The following NALF1 variants were observed in gnomAD, a reference collection of about 807,000 sequenced individuals.
NALF1 encodes the protein family with sequence similarity 155 member A.
In NALF1, 3 loss-of-function variants were observed where a neutral mutation model predicts 48.4. That is an observed-to-expected ratio of 0.06 (90% CI 0.03 to 0.16). The LOEUF is 0.16. Ranked by LOEUF, NALF1 falls within the 10% of genes least tolerant of loss-of-function variation. The probability of loss-of-function intolerance (pLI) is 1.00; values close to 1 mark genes in which losing one functional copy is unlikely to be tolerated. For synonymous variants in NALF1, 262 were observed against 245.7 expected (o/e 1.07, Z -0.62); for missense variants, 526 against 571.5 (o/e 0.92, Z 0.81).
At chr13:107,702,254 T>TAA (rs11402680) in intron 1 of NALF1, among the ~76,000 whole-genome samples, 6 of 150,992 alleles carry the variant, frequency 4.0e-5, no homozygotes, top group South Asian at 2.1e-4. Context: ...TTTCACTCTG[T>TAA]AAAAAAAAAG....
chr13:107,432,636 C>G (rs1884401072), intron 1 of NALF1, among the ~76,000 whole-genome samples: 1 of 152,202 alleles, frequency 6.6e-6, no homozygotes, highest in East Asian at 1.9e-4. Context: ...AGCCTTCAAC[C>G]TCTGGATGTG....
intron 1 of NALF1, among the ~76,000 whole-genome samples, chr13:107,390,066 A>T (rs940449695): frequency 1.3e-5 from 2 of 152,122 alleles, no homozygotes; most frequent in African/African-American, 4.8e-5. Flanking sequence ...TAGTAGTAAA[A>T]TATATTCACT....
intron 1 of NALF1, among the ~76,000 whole-genome samples, chr13:107,625,170 T>G (rs1240714259): frequency 6.6e-6 from 1 of 152,128 alleles, no homozygotes; most frequent in African/African-American, 2.4e-5. Context: ...ACCTGATAAT[T>G]TGATCTTAGC....
chr13:107,266,860 T>C (rs1043398257), intron 1 of NALF1, among the ~76,000 whole-genome samples: 22 of 152,226 alleles, frequency 1.4e-4, no homozygotes, highest in Non-Finnish European at 5.9e-5. Flanking sequence ...CCCAGAGATA[T>C]GCATGACTGT....
intron 1 of NALF1, among the ~76,000 whole-genome samples, chr13:107,409,624 T>G (rs971692383): frequency 6.6e-6 from 1 of 152,138 alleles, no homozygotes; most frequent in Admixed American, 6.6e-5. Flanking sequence ...ATTTGGGAAC[T>G]GAACCTACAC....
chr13:107,292,240 G>T (rs892336493), intron 1 of NALF1, among the ~76,000 whole-genome samples: 2 of 151,894 alleles, frequency 1.3e-5, no homozygotes, highest in African/African-American at 4.8e-5. Context: ...ATAAAAAATA[G>T]AAAAAAAACT....
intron 1 of NALF1, among the ~76,000 whole-genome samples, chr13:107,305,802 A>G (rs1378481434): frequency 6.6e-6 from 1 of 152,238 alleles, no homozygotes; most frequent in East Asian, 1.9e-4. Context: ...AAAAGGAAAA[A>G]TAATCAAAGG....
At chr13:107,251,676 C>T (rs1043024571) in intron 1 of NALF1, among the ~76,000 whole-genome samples, 3 of 152,168 alleles carry the variant, frequency 2.0e-5, no homozygotes, top group African/African-American at 7.2e-5. Context: ...GAGTAATGGA[C>T]ACAGTGCAAG....
chr13:107,697,608 G>C (rs1349340960), intron 1 of NALF1, among the ~76,000 whole-genome samples: 1 of 151,826 alleles, frequency 6.6e-6, no homozygotes, highest in Admixed American at 6.6e-5. Flanking sequence ...AATTTTATTG[G>C]TTTGAAATAC....
intron 1 of NALF1, among the ~76,000 whole-genome samples, chr13:107,681,485 T>A (rs75415468): frequency 7.9e-5 from 12 of 151,144 alleles, no homozygotes; most frequent in Admixed American, 3.3e-4. Context: ...GAGAAAAGTT[T>A]AAAAAAAAAT....
chr13:107,388,403 T>C (rs1247595295), intron 1 of NALF1, among the ~76,000 whole-genome samples: 1 of 152,194 alleles, frequency 6.6e-6, no homozygotes, highest in Non-Finnish European at 1.5e-5. Flanking sequence ...TAGTGTGGCC[T>C]GGGGAGCTAT....
chr13:107,588,091 C>T (rs1221143177), intron 1 of NALF1, among the ~76,000 whole-genome samples: 1 of 152,122 alleles, frequency 6.6e-6, no homozygotes, highest in Non-Finnish European at 1.5e-5. Flanking sequence ...TCACAATTCT[C>T]GCATCAAGTG....
intron 1 of NALF1, among the ~76,000 whole-genome samples, chr13:107,358,505 A>G (rs1252989839): frequency 6.6e-6 from 1 of 152,176 alleles, no homozygotes; most frequent in East Asian, 1.9e-4. Flanking sequence ...ATATTATAAG[A>G]GATATGGAAG....
chr13:107,199,748 A>C (rs1223943266), intron 2 of NALF1, among the ~76,000 whole-genome samples: 1 of 152,180 alleles, frequency 6.6e-6, no homozygotes, highest in Non-Finnish European at 1.5e-5. Context: ...GTGGGATACA[A>C]GGACAAAAAA....
chr13:107,861,672 T>C (rs1222065137), intron 1 of NALF1, among the ~76,000 whole-genome samples: 1 of 152,136 alleles, frequency 6.6e-6, no homozygotes, highest in African/African-American at 2.4e-5. Flanking sequence ...TAGTCCCAGC[T>C]ACGAGGGAGG....
At chr13:107,595,783 A>G (rs1257142754) in intron 1 of NALF1, among the ~76,000 whole-genome samples, 1 of 152,186 alleles carries the variant, frequency 6.6e-6, no homozygotes, top group Non-Finnish European at 1.5e-5. Context: ...ATCAAGGCTC[A>G]AGTAATGCAG....
chr13:107,323,775 T>C (rs539523314), intron 1 of NALF1, among the ~76,000 whole-genome samples: 6 of 152,212 alleles, frequency 3.9e-5, no homozygotes, highest in Non-Finnish European at 8.8e-5. Context: ...ATGTTTATCC[T>C]TCCTTCTTTG....
At chr13:107,734,811 C>T (rs1208869800) in intron 1 of NALF1, among the ~76,000 whole-genome samples, 1 of 152,092 alleles carries the variant, frequency 6.6e-6, no homozygotes, top group Non-Finnish European at 1.5e-5. Context: ...ACAGTATACG[C>T]ACCATATACT....
chr13:107,172,107 C>T (rs1289192119), intron 2 of NALF1, among the ~76,000 whole-genome samples: 1 of 152,182 alleles, frequency 6.6e-6, no homozygotes, highest in Non-Finnish European at 1.5e-5. Context: ...TATCACTCGC[C>T]AAGCTACTGT....
Sources: gnomAD v4.1 joint callset for allele counts (sites outside exome capture counted in the v4.1 genomes callset) on GRCh38, gnomAD v4.1.1 for gene constraint, MANE v1.5 for transcripts, NCBI Gene and HGNC (gene_info 2026-07-23, HGNC 2026-07-21) for gene names.